Variants in SHISA9 observed in about 807,000 individuals in gnomAD.
The protein encoded by SHISA9 is protein shisa-9.
Under a neutral mutation model 38.0 loss-of-function variants are expected in SHISA9, and 13 were observed. The observed-to-expected ratio is 0.34, with a 90% confidence interval of 0.22 to 0.54. The LOEUF (loss-of-function observed/expected upper bound fraction) is 0.54, where lower values mean the gene tolerates loss of function less well. Among genes scored for constraint, SHISA9 ranks in the 20% least tolerant of loss-of-function variants. SHISA9 has a pLI of 0.91. For synonymous variants in SHISA9, 275 were observed against 242.0 expected, an observed-to-expected ratio of 1.14 and a Z score of -1.27; for missense variants, 538 against 575.8, an observed-to-expected ratio of 0.93 and a Z score of 0.67.
At chr16:13,278,088 CT>C in the SHISA9 span, among the ~76,000 whole-genome samples, 1 of 151,910 alleles carries the variant, frequency 6.6e-6, no homozygotes, top group Non-Finnish European at 1.5e-5. Context: ...AAGGTATGTC[CT>C]TTGTATGCCG....
the SHISA9 span, among the ~76,000 whole-genome samples, chr16:13,553,229 A>G: frequency 1.3e-5 from 2 of 152,240 alleles, no homozygotes; most frequent in South Asian, 4.1e-4. Flanking sequence ...AGGACTATTC[A>G]TTTCCCCATT....
At chr16:12,974,238 C>A (rs1426715700) in intron 2 of SHISA9, among the ~76,000 whole-genome samples, 1 of 152,058 alleles carries the variant, frequency 6.6e-6, no homozygotes, top group East Asian at 1.9e-4. Context: ...CAAGCTTGGG[C>A]CACTCCTTGG....
chr16:13,337,983 T>A, the SHISA9 span, among the ~76,000 whole-genome samples: 4 of 152,316 alleles, frequency 2.6e-5, no homozygotes, highest in South Asian at 8.3e-4. Flanking sequence ...CTTTTCTTCA[T>A]AAATTACCCA....
intron 2 of SHISA9, among the ~76,000 whole-genome samples, chr16:13,158,640 A>G (rs1253076266): frequency 2.0e-5 from 3 of 152,210 alleles, no homozygotes; most frequent in East Asian, 3.9e-4. Flanking sequence ...CTGTGCCACA[A>G]GGGAGGCTGG....
chr16:13,382,326 G>A, the SHISA9 span, among the ~76,000 whole-genome samples: 54 of 151,854 alleles, frequency 3.6e-4, 1 homozygote, highest in African/African-American at 1.0e-3. Flanking sequence ...ACAGGAGTTC[G>A]AGACCAGCCT....
At chr16:13,244,978 C>A (rs2051461411), downstream of SHISA9, among the ~76,000 whole-genome samples, 1 of 152,154 alleles carries the variant, frequency 6.6e-6, no homozygotes, top group Non-Finnish European at 1.5e-5. Flanking sequence ...TGCAGTGGAG[C>A]AATCACAGCT....
At chr16:12,906,757 A>C (rs201020658) in intron 1 of SHISA9, among the ~76,000 whole-genome samples, 1 of 152,118 alleles carries the variant, frequency 6.6e-6, no homozygotes, top group Non-Finnish European at 1.5e-5. Flanking sequence ...GGATTTCTCA[A>C]CCTTGGCACT....
chr16:13,385,852 C>A, the SHISA9 span, among the ~76,000 whole-genome samples: 6 of 152,314 alleles, frequency 3.9e-5, no homozygotes, highest in South Asian at 1.2e-3. Context: ...CACATAACAA[C>A]TTGGATGAAT....
At chr16:13,433,757 G>A in the SHISA9 span, among the ~76,000 whole-genome samples, 1 of 152,208 alleles carries the variant, frequency 6.6e-6, no homozygotes, top group African/African-American at 2.4e-5. Context: ...CATTGGAACT[G>A]AGCTTGGAGG....
chr16:13,375,418 T>C, the SHISA9 span, among the ~76,000 whole-genome samples: 1 of 152,212 alleles, frequency 6.6e-6, no homozygotes, highest in East Asian at 1.9e-4. Context: ...GCACCATTTA[T>C]TAAATAGGGA....
the SHISA9 span, among the ~76,000 whole-genome samples, chr16:13,494,355 C>T: frequency 6.6e-6 from 1 of 152,060 alleles, no homozygotes; most frequent in African/African-American, 2.4e-5. Context: ...CAATTGGGGA[C>T]ACTAAAGAAC....
chr16:13,396,356 A>G, the SHISA9 span, among the ~76,000 whole-genome samples: 1 of 152,168 alleles, frequency 6.6e-6, no homozygotes, highest in Non-Finnish European at 1.5e-5. Flanking sequence ...AAAATACACA[A>G]ATTAACTGGG....
At chr16:13,395,309 A>G in the SHISA9 span, among the ~76,000 whole-genome samples, 6,150 of 152,324 alleles carry the variant, frequency 0.04, 267 homozygotes, top group African/African-American at 0.11. Context: ...AGTGCTCAAC[A>G]GAAACTGGGG....
At chr16:12,935,792 T>C (rs1375510691) in intron 2 of SHISA9, among the ~76,000 whole-genome samples, 1 of 145,598 alleles carries the variant, frequency 6.9e-6, no homozygotes, top group Non-Finnish European at 1.5e-5. Context: ...GAGGCTGCAG[T>C]AAGCAGAGAT....
rs188697010 is a variant in SHISA9 at position 13,198,855 on chromosome 16, C to G, written c.692-4539C>G. 1.6e-3 allele frequency among the ~76,000 whole-genome samples: 249 copies of G among 152,284 alleles called. 2 individuals are homozygous for G. Among genetic ancestry groups the G allele is most frequent in the African/African-American group, 5.7e-3 (236 of 41,566 alleles). On this transcript the variant is annotated intron_variant, in intron 2 of 4. Coordinates refer to ENST00000558583, the MANE Select transcript of SHISA9 (RefSeq NM_001145204.3). ...GGTTCTTAATGTGAAACTGGAAATGCACCTTCTGGATGGTGTCACTTCTTT... is the reference window on the plus strand; with the variant it reads ...GGTTCTTAATGTGAAACTGGAAATGGACCTTCTGGATGGTGTCACTTCTTT...
intron 2 of SHISA9, among the ~76,000 whole-genome samples, chr16:12,945,941 C>G (rs1196110910): frequency 2.0e-5 from 3 of 152,180 alleles, no homozygotes; most frequent in Admixed American, 1.3e-4. Flanking sequence ...TGGCGAAACC[C>G]TACTAAAAAT....
At position 12,922,240 on chromosome 16, in the gene SHISA9, C is replaced by G. The variant is rs1351494207; in HGVS notation, c.691+5425C>G. 3.3e-5 allele frequency among the ~76,000 whole-genome samples: 5 copies of G among 152,316 alleles called. No individual in the cohort carries two copies. The East Asian group carries it at 7.7e-4, about 23-fold the overall frequency. ...GAGAGCTGTTTCCAAAATATACATC[C>G]AATTTACAGCCTTACTAACAACTAA... On this transcript the variant is annotated intron_variant, in intron 2 of 4. Coordinates refer to ENST00000558583, the MANE Select transcript of SHISA9 (RefSeq NM_001145204.3).
At chr16:13,161,889 G>A (rs1249928628) in intron 2 of SHISA9, among the ~76,000 whole-genome samples, 3 of 152,268 alleles carry the variant, frequency 2.0e-5, no homozygotes, top group South Asian at 4.1e-4. Context: ...CTAGTTTGCT[G>A]AAAGTTTTTT....
At chr16:13,343,411 T>G in the SHISA9 span, among the ~76,000 whole-genome samples, 1 of 152,144 alleles carries the variant, frequency 6.6e-6, no homozygotes, top group Non-Finnish European at 1.5e-5. Flanking sequence ...AATAAAATGC[T>G]AATCATCATC....
Sources: gnomAD v4.1 joint callset for allele counts (sites outside exome capture counted in the v4.1 genomes callset) on GRCh38, gnomAD v4.1.1 for gene constraint, MANE v1.5 for transcripts, NCBI Gene and HGNC (gene_info 2026-07-23, HGNC 2026-07-21) for gene names.